CSGALNACT1: variants seen among roughly 807,000 people sequenced by gnomAD.
CSGALNACT1 encodes beta4GalNAcT-1.
Under a neutral mutation model 51.0 loss-of-function variants are expected in CSGALNACT1, and 52 were observed. That is an observed-to-expected ratio of 1.02 (90% confidence interval 0.82 to 1.29). The LOEUF (loss-of-function observed/expected upper bound fraction) is 1.29, where lower values mean the gene tolerates loss of function less well. CSGALNACT1 is among the 50% of genes most tolerant of loss of function. The pLI is 0.00. For missense variants in CSGALNACT1, 935 were observed against 679.2 expected, an observed-to-expected ratio of 1.38 and a Z score of -4.19; for synonymous variants, 341 against 254.4, an observed-to-expected ratio of 1.34 and a Z score of -3.24.
intron 3 of CSGALNACT1, among the ~76,000 whole-genome samples, chr8:19,577,552 C>G (rs1192252821): frequency 2.2e-5 from 2 of 90,064 alleles, no homozygotes; most frequent in African/African-American, 9.2e-5. Flanking sequence ...CAGCAAGACC[C>G]TATCTCAAAA....
At chr8:19,614,984 A>C (rs571811499) in intron 1 of CSGALNACT1, among the ~76,000 whole-genome samples, 68 of 152,330 alleles carry the variant, frequency 4.5e-4, no homozygotes, top group African/African-American at 1.4e-3. Context: ...AAGTATCCAA[A>C]AGGTAAAACT....
chr8:19,631,047 C>T (rs1425190690), intron 1 of CSGALNACT1, among the ~76,000 whole-genome samples: 1 of 152,174 alleles, frequency 6.6e-6, no homozygotes, highest in African/African-American at 2.4e-5. Context: ...AATGTTAGCA[C>T]ACTTGTAACA....
chr8:19,682,295 C>T (rs376477034), intron 1 of CSGALNACT1, among the ~76,000 whole-genome samples: 44 of 152,164 alleles, frequency 2.9e-4, no homozygotes, highest in African/African-American at 1.0e-3. Context: ...TGCTTTGGGC[C>T]GCTAGGCAAT....
chr8:19,621,396 A>T (rs1367176975), intron 1 of CSGALNACT1, among the ~76,000 whole-genome samples: 3 of 152,152 alleles, frequency 2.0e-5, no homozygotes, highest in Non-Finnish European at 4.4e-5. Context: ...TTTTTATACA[A>T]TTATTGTATC....
chr8:19,407,005 G>A (rs147839435), intron 9 of CSGALNACT1, among the ~76,000 whole-genome samples: 49 of 152,210 alleles, frequency 3.2e-4, no homozygotes, highest in African/African-American at 9.9e-4. Context: ...CACCACGCTC[G>A]GCCTAGAAAA....
At chr8:19,653,112 T>C (rs1284646239) in intron 1 of CSGALNACT1, among the ~76,000 whole-genome samples, 1 of 152,092 alleles carries the variant, frequency 6.6e-6, no homozygotes, top group Non-Finnish European at 1.5e-5. Flanking sequence ...AACTCCCCCC[T>C]CCTAGAATCA....
intron 6 of CSGALNACT1, among the ~76,000 whole-genome samples, chr8:19,431,082 C>T (rs1226766963): frequency 6.6e-6 from 1 of 152,024 alleles, no homozygotes; most frequent in African/African-American, 2.4e-5. Flanking sequence ...TTGTGGATTC[C>T]TTGTAATTTT....
intron 8 of CSGALNACT1, among the ~76,000 whole-genome samples, chr8:19,416,151 G>A (rs1284007262): frequency 2.4e-5 from 3 of 127,336 alleles, no homozygotes; most frequent in African/African-American, 8.7e-5. Context: ...GTCTTGCTCT[G>A]TTGCCCAGGC....
chr8:19,694,110 AGT>A (rs2061467375), intron 1 of CSGALNACT1, among the ~76,000 whole-genome samples: 1 of 152,196 alleles, frequency 6.6e-6, no homozygotes, highest in African/African-American at 2.4e-5. Flanking sequence ...TATAAGATTA[AGT>A]GAATATTTAA....
intron 3 of CSGALNACT1, among the ~76,000 whole-genome samples, chr8:19,564,453 T>C (rs10104448): frequency 0.14 from 20,999 of 151,864 alleles, 1,947 homozygotes; most frequent in African/African-American, 0.27. Flanking sequence ...GAAGCCCAGG[T>C]TGGGAACCAC....
intron 4 of CSGALNACT1, among the ~76,000 whole-genome samples, chr8:19,473,597 C>A (rs1181498816): frequency 6.6e-6 from 1 of 152,218 alleles, no homozygotes; most frequent in East Asian, 1.9e-4. Flanking sequence ...AGGTTTCCCA[C>A]TTCCTAGTCT....
intron 3 of CSGALNACT1, among the ~76,000 whole-genome samples, chr8:19,521,647 G>C (rs1202179202): frequency 6.6e-6 from 1 of 152,126 alleles, no homozygotes; most frequent in East Asian, 1.9e-4. Flanking sequence ...CACACTACTA[G>C]ACTCCGTCTC....
chr8:19,559,522 G>C (rs2040227223), intron 3 of CSGALNACT1, among the ~76,000 whole-genome samples: 2 of 152,268 alleles, frequency 1.3e-5, no homozygotes, highest in South Asian at 4.1e-4. Flanking sequence ...GGATTGGAAA[G>C]GAAGAAACAA....
chr8:19,643,625 G>C (rs1418695450), intron 1 of CSGALNACT1, among the ~76,000 whole-genome samples: 3 of 146,952 alleles, frequency 2.0e-5, no homozygotes, highest in Non-Finnish European at 4.5e-5. Flanking sequence ...ACAAGAGAGT[G>C]AGACACCATC....
At chr8:19,408,862 G>A (rs1288824648) in intron 8 of CSGALNACT1, among the ~76,000 whole-genome samples, 168 bp from the exon 8 acceptor site, 3 of 151,756 alleles carry the variant, frequency 2.0e-5, no homozygotes, top group Admixed American at 2.0e-4. Context: ...CAGACAGTCA[G>A]GAATACAGTA....
exon 4 of CSGALNACT1, chr8:19,505,916 A>C: frequency 2.0e-5 from 31 of 1,555,544 alleles, no homozygotes; most frequent in Non-Finnish European, 2.6e-5. Flanking sequence ...GGGCTAGACC[A>C]CAGGAAGCAT....
chr8:19,599,205 G>A (rs946364654), intron 2 of CSGALNACT1, among the ~76,000 whole-genome samples: 2 of 152,136 alleles, frequency 1.3e-5, no homozygotes, highest in African/African-American at 4.8e-5. Flanking sequence ...CAGGAGCATG[G>A]AGAGCCAACA....
intron 2 of CSGALNACT1, among the ~76,000 whole-genome samples, chr8:19,596,024 G>A (rs947926330): frequency 9.2e-5 from 14 of 151,956 alleles, no homozygotes; most frequent in South Asian, 4.2e-4. Context: ...CCACCACACC[G>A]AGCTAATTTT....
At chr8:19,561,849 G>T (rs1454636598) in intron 3 of CSGALNACT1, among the ~76,000 whole-genome samples, 1 of 152,206 alleles carries the variant, frequency 6.6e-6, no homozygotes, top group Non-Finnish European at 1.5e-5. Flanking sequence ...AGTGGGGCCA[G>T]GAGGGTAAGA....
Sources: allele counts gnomAD v4.1 joint callset (sites outside exome capture counted in the v4.1 genomes callset), GRCh38; gene constraint gnomAD v4.1.1; transcripts MANE v1.5; gene names NCBI Gene and HGNC (gene_info 2026-07-23, HGNC 2026-07-21).